The following PNPLA8 variants were observed in gnomAD, a reference collection of about 807,000 sequenced individuals.
The protein encoded by PNPLA8 is patatin like domain 8, phospholipase A2.
Under a neutral mutation model 76.9 loss-of-function variants are expected in PNPLA8, and 39 were observed. The observed-to-expected ratio is 0.51, with a 90% CI of 0.39 to 0.66. The LOEUF (loss-of-function observed/expected upper bound fraction) is 0.66. Among genes scored for constraint, PNPLA8 ranks in the 30% least tolerant of loss-of-function variants. PNPLA8 has a pLI of 0.00. For missense variants in PNPLA8, 887 were observed against 918.0 expected, an observed-to-expected ratio of 0.97 and a Z score of 0.44; for synonymous variants, 301 against 307.9, an observed-to-expected ratio of 0.98 and a Z score of 0.24.
At chr7:108,525,703 G>C (rs1864025925) in intron 1 of PNPLA8, among the ~76,000 whole-genome samples, 1 of 152,232 alleles carries the variant, frequency 6.6e-6, no homozygotes, top group South Asian at 2.1e-4. Context: ...TACAGTCCAG[G>C]GGAAGGCAGA....
At chr7:108,527,010 A>G (rs1002471683), upstream of PNPLA8, among the ~76,000 whole-genome samples, 1 of 152,258 alleles carries the variant, frequency 6.6e-6, no homozygotes, top group African/African-American at 2.4e-5. Flanking sequence ...CTTTTATACT[A>G]CAATAGCGAA....
chr7:108,492,536 T>C (rs1285495983), intron 7 of PNPLA8, among the ~76,000 whole-genome samples: 1 of 145,428 alleles, frequency 6.9e-6, no homozygotes, highest in Non-Finnish European at 1.5e-5. Context: ...AAACCTAAAA[T>C]GCTTTTAGTG....
chr7:108,486,827 A>G (rs771633444), intron 9 of PNPLA8, among the ~76,000 whole-genome samples: 21 of 152,108 alleles, frequency 1.4e-4, no homozygotes, highest in South Asian at 2.1e-4. Context: ...CTCTGTCAAC[A>G]GCGTAAGATT....
chr7:108,499,330 A>G (rs1355084096), intron 5 of PNPLA8, among the ~76,000 whole-genome samples: 1 of 152,220 alleles, frequency 6.6e-6, no homozygotes, highest in Non-Finnish European at 1.5e-5. Flanking sequence ...TTGTACTCAT[A>G]AATTCCGAAT....
chr7:108,479,645 G>A (rs961353014), intron 9 of PNPLA8: 11 of 453,320 alleles, frequency 2.4e-5, no homozygotes, highest in East Asian at 4.5e-5. Context: ...TGAAATGAAC[G>A]AAATTACTTT....
rs1176432878 is a variant in PNPLA8 at position 108,492,657 on chromosome 7, AAT to A, written c.1626-1192_1626-1191del. ...TGCCTAGATTCTACTGATGGCATAAAATAGTTCCCTTAAAATAACACAAAATT... is the reference window on the plus strand; with the variant it reads ...TGCCTAGATTCTACTGATGGCATAAAAGTTCCCTTAAAATAACACAAAATT... On this transcript the variant is annotated intron_variant, in intron 7 of 10. Transcript: ENST00000257694. Among the ~76,000 whole-genome samples, 12 of 152,304 alleles carry A rather than the reference AAT, an allele frequency of 7.9e-5. No individual in the cohort carries two copies. In the South Asian group the frequency reaches 1.2e-3, roughly 16 times the overall value.
At chr7:108,519,301 G>A (rs1863577181) in intron 2 of PNPLA8, among the ~76,000 whole-genome samples, 1 of 152,156 alleles carries the variant, frequency 6.6e-6, no homozygotes, top group Non-Finnish European at 1.5e-5. Context: ...TCAGGAGGCT[G>A]AGGTGGGAGG....
intron 7 of PNPLA8, among the ~76,000 whole-genome samples, chr7:108,492,414 G>T (rs1033432202): frequency 1.3e-5 from 2 of 152,048 alleles, no homozygotes; most frequent in Non-Finnish European, 2.9e-5. Context: ...TCTTTTCACA[G>T]AATTCTTACT....
At chr7:108,499,934 A>G (rs1048650127) in intron 5 of PNPLA8, among the ~76,000 whole-genome samples, 1 of 152,226 alleles carries the variant, frequency 6.6e-6, no homozygotes, top group African/African-American at 2.4e-5. Context: ...CTACATAAAT[A>G]TAACTTCTTT....
intron 10 of PNPLA8, among the ~76,000 whole-genome samples, chr7:108,476,308 T>C (rs1859989604): frequency 6.6e-6 from 1 of 152,212 alleles, no homozygotes; most frequent in Non-Finnish European, 1.5e-5. Flanking sequence ...GCCCATTACA[T>C]GGTTTGCACA....
chr7:108,520,469 TAA>T (rs1863656802), intron 2 of PNPLA8, among the ~76,000 whole-genome samples: 2 of 152,130 alleles, frequency 1.3e-5, no homozygotes, highest in Middle Eastern at 3.4e-3. Flanking sequence ...AAGGAGGGGA[TAA>T]GAGAGGTTGG....
chr7:108,509,473 T>G (rs1277892758), intron 4 of PNPLA8, among the ~76,000 whole-genome samples: 3 of 148,698 alleles, frequency 2.0e-5, no homozygotes, highest in Non-Finnish European at 4.5e-5. Context: ...AAAACCACAA[T>G]GAGATACCAT....
intron 8 of PNPLA8, 89 bp downstream of exon 8, chr7:108,491,321 A>C (rs927231112): frequency 2.5e-6 from 2 of 800,420 alleles, no homozygotes; most frequent in Admixed American, 4.4e-5. Context: ...AAATAAAAAT[A>C]AAATAAAATA....
intron 2 of PNPLA8, among the ~76,000 whole-genome samples, 174 bp downstream of exon 2, chr7:108,521,302 C>T (rs1186265620): frequency 6.6e-6 from 1 of 152,190 alleles, no homozygotes; most frequent in Non-Finnish European, 1.5e-5. Context: ...CAGCTATGTG[C>T]TAGCTACAAA....
At position 108,502,510 on chromosome 7, in the gene PNPLA8, T is replaced by C. The variant is rs146697306; in HGVS notation, c.1339A>G (p.Ile447Val). The part of the protein sequence containing the change: ...VKGRGIRILS[I>V]DGGGTRGVVA... ...CCTTACCTTGTTCCTCCACCATCAA[T>C]TGAGAGAATTCGGATTCCTCTCCCT... is the stretch of plus-strand genomic sequence containing the variant. Residue 447 changes from isoleucine to valine, a missense_variant, in exon 5 of 11, where the codon ATT becomes GTT. Transcript: ENST00000257694. 2.3e-5 allele frequency: 37 copies of C among 1,593,406 alleles called. No homozygotes were observed. The highest frequency in any genetic ancestry group is 4.1e-5 in the African/African-American group (3 of 73,806).
intron 4 of PNPLA8, among the ~76,000 whole-genome samples, chr7:108,509,601 T>C (rs1167928805): frequency 1.4e-5 from 2 of 147,964 alleles, no homozygotes; most frequent in Non-Finnish European, 3.0e-5. Flanking sequence ...AGTTCAACCA[T>C]TGTGGAAGTC....
rs540596653 is a variant in PNPLA8, at chr7:108,509,092, T to A, written c.1206+5052A>T. Reference sequence around the variant, plus strand: ...AAAACCCTAGAAGAAAACCTAGGCATTACAATTCAGGACATAGGCATGGTC... The same window carrying A: ...AAAACCCTAGAAGAAAACCTAGGCAATACAATTCAGGACATAGGCATGGTC... On this transcript the variant is annotated intron_variant, in intron 4 of 10. Coordinates refer to ENST00000257694, the MANE Select transcript of PNPLA8 (RefSeq NM_001256007.3). 5.3e-3 allele frequency among the ~76,000 whole-genome samples: 597 copies of A among 112,434 alleles called. 9 individuals are homozygous for A. The highest frequency in any genetic ancestry group is 9.0e-3 in the African/African-American group (231 of 25,756). The allele number at this position is 112,434 out of a possible 152,430, so 73.8% of individuals were successfully genotyped here. A position where few individuals can be genotyped will look rare whatever the true frequency, so the allele number is the denominator to read the frequency against.
At chr7:108,506,429 C>T (rs1301813794) in intron 4 of PNPLA8, among the ~76,000 whole-genome samples, 1 of 151,036 alleles carries the variant, frequency 6.6e-6, no homozygotes, top group Non-Finnish European at 1.5e-5. Context: ...ACACAGAGGC[C>T]TCATAGAATT....
intron 1 of PNPLA8, among the ~76,000 whole-genome samples, chr7:108,525,826 G>A (rs1259174005): frequency 6.6e-6 from 1 of 152,236 alleles, no homozygotes; most frequent in African/African-American, 2.4e-5. Flanking sequence ...CCACGGGGGC[G>A]GAGGGCGCCG....
Sources: gnomAD v4.1 joint callset for allele counts (sites outside exome capture counted in the v4.1 genomes callset) on GRCh38, gnomAD v4.1.1 for gene constraint, MANE v1.5 for transcripts, NCBI Gene and HGNC (gene_info 2026-07-23, HGNC 2026-07-21) for gene names.